Variants in AGMO observed in about 807,000 individuals in gnomAD.
AGMO encodes glyceryl-ether monooxygenase.
In AGMO, 75 loss-of-function variants were observed where a neutral mutation model predicts 60.2. The observed-to-expected ratio is 1.25, with a 90% confidence interval of 1.03 to 1.51. The LOEUF is 1.51. Among genes scored for constraint, AGMO ranks in the 40% most tolerant of loss-of-function variants. The pLI is 0.00. For missense variants in AGMO, 763 were observed against 525.5 expected (o/e 1.45, Z -4.42); for synonymous variants, 261 against 177.1 (o/e 1.47, Z -3.76).
intron 4 of AGMO, among the ~76,000 whole-genome samples, chr7:15,423,827 C>T (rs1283705486): frequency 6.6e-6 from 1 of 152,120 alleles, no homozygotes; most frequent in Non-Finnish European, 1.5e-5. Flanking sequence ...GAGTCTCCCT[C>T]ATAGCCCTCA....
downstream of AGMO, among the ~76,000 whole-genome samples, chr7:15,196,926 T>A (rs1781131749): frequency 1.3e-5 from 2 of 152,222 alleles, no homozygotes; most frequent in South Asian, 4.1e-4. Context: ...CATCAATGCT[T>A]AATTTGCTAA....
At chr7:15,202,033 G>T (rs193175841) in intron 12 of AGMO, among the ~76,000 whole-genome samples, 3 of 152,142 alleles carry the variant, frequency 2.0e-5, no homozygotes, top group African/African-American at 7.2e-5. Flanking sequence ...TCTTACCTAG[G>T]CACCGACAAT....
chr7:15,522,777 T>C (rs1007574132), intron 3 of AGMO, among the ~76,000 whole-genome samples: 9 of 152,214 alleles, frequency 5.9e-5, no homozygotes, highest in South Asian at 2.1e-4. Flanking sequence ...ATTCTGGACA[T>C]AGGCATGGGC....
At chr7:15,486,897 G>A (rs910092951) in intron 3 of AGMO, among the ~76,000 whole-genome samples, 1 of 152,116 alleles carries the variant, frequency 6.6e-6, no homozygotes, top group East Asian at 1.9e-4. Context: ...ATATGCAACT[G>A]AGACAAAACA....
the AGMO span, among the ~76,000 whole-genome samples, chr7:15,119,481 T>G: frequency 1.3e-5 from 2 of 151,714 alleles, no homozygotes; most frequent in African/African-American, 4.8e-5. Context: ...CTCTCTTACT[T>G]CCTTACCCAG....
chr7:15,181,410 C>A, the AGMO span, among the ~76,000 whole-genome samples: 1 of 152,166 alleles, frequency 6.6e-6, no homozygotes, highest in South Asian at 2.1e-4. Context: ...CTTCTACTCT[C>A]ATTCTTCACT....
intron 12 of AGMO, among the ~76,000 whole-genome samples, chr7:15,301,396 G>A (rs925992287): frequency 1.6e-4 from 24 of 151,876 alleles, no homozygotes; most frequent in African/African-American, 3.4e-4. Context: ...CCAAGATCAC[G>A]CCACTGCACT....
chr7:15,549,758 C>T (rs1355189917), intron 2 of AGMO, among the ~76,000 whole-genome samples: 3 of 151,286 alleles, frequency 2.0e-5, no homozygotes, highest in African/African-American at 4.9e-5. Flanking sequence ...GACAGATCAA[C>T]GAGACAGAAA....
chr7:15,545,115 T>A (rs1172911437), intron 2 of AGMO, among the ~76,000 whole-genome samples, 192 bp from the exon 3 acceptor site: 1 of 152,196 alleles, frequency 6.6e-6, no homozygotes. Flanking sequence ...CACAGGAAGC[T>A]TTATTTTATT....
chr7:15,222,505 T>C (rs571673990), intron 12 of AGMO, among the ~76,000 whole-genome samples: 5 of 152,204 alleles, frequency 3.3e-5, no homozygotes, highest in African/African-American at 1.2e-4. Context: ...TTTTCAATGT[T>C]AGTCATCTTG....
chr7:15,388,043 G>C (rs1783995857), intron 8 of AGMO, among the ~76,000 whole-genome samples: 1 of 151,954 alleles, frequency 6.6e-6, no homozygotes, highest in African/African-American at 2.4e-5. Context: ...GAGTAGCTGG[G>C]ATTACAGGTG....
the AGMO span, among the ~76,000 whole-genome samples, chr7:15,185,985 T>C: frequency 6.6e-6 from 1 of 152,226 alleles, no homozygotes; most frequent in Non-Finnish European, 1.5e-5. Flanking sequence ...AGCTATTTTG[T>C]GGGCAAGATG....
intron 12 of AGMO, among the ~76,000 whole-genome samples, chr7:15,299,909 T>A (rs1348403788): frequency 2.0e-5 from 3 of 150,304 alleles, no homozygotes; most frequent in East Asian, 2.0e-4. Flanking sequence ...GTTCAACATA[T>A]CCTTTCCTCT....
In AGMO at chr7:15,365,560, A is replaced by G; in HGVS notation, c.1217T>C (p.Phe406Ser). The G allele has an allele frequency of 6.2e-7, 1 of 1,612,910 alleles. No individual in the cohort carries two copies. The highest frequency in any genetic ancestry group is 8.5e-7 in the Non-Finnish European group (1 of 1,179,148). Residue 406 changes from phenylalanine to serine, a missense_variant, in exon 12 of 13, where the codon TTT becomes TCT. Physicochemically the swap from Phe to Ser is radical, Grantham distance 155. Coordinates refer to ENST00000342526, the MANE Select transcript of AGMO (RefSeq NM_001004320.2). ...AGGGACAAGAGGCTTCAGGTGACCA[A>G]ATCGGTACAGCATTAAGAACATCAA... ...RCLMFLMLYR[F>S]GHLKPLVPSL... is the part of the protein sequence containing the mutation.
intron 12 of AGMO, among the ~76,000 whole-genome samples, chr7:15,303,156 T>C (rs957128534): frequency 4.6e-5 from 7 of 152,104 alleles, no homozygotes; most frequent in Admixed American, 2.0e-4. Context: ...ACAGATGATA[T>C]TAAGATGGCG....
chr7:15,213,423 A>G lies in AGMO; in HGVS notation c.1264-12064T>C, dbSNP rs376493651. ...AGTTCTATTATGTGAAAAAAATAATAAAAATGACCAACACAATATTAAAAA... is the reference window on the plus strand; with the variant it reads ...AGTTCTATTATGTGAAAAAAATAATGAAAATGACCAACACAATATTAAAAA... On this transcript the variant is annotated intron_variant, in intron 12 of 12. Transcript: ENST00000342526. 4.6e-5 allele frequency among the ~76,000 whole-genome samples: 7 copies of G among 152,056 alleles called. No homozygotes were observed. In the East Asian group the frequency reaches 7.7e-4, roughly 17 times the overall value.
At chr7:15,184,009 A>G in the AGMO span, among the ~76,000 whole-genome samples, 1 of 152,168 alleles carries the variant, frequency 6.6e-6, no homozygotes, top group African/African-American at 2.4e-5. Flanking sequence ...TGTTTTAATA[A>G]ATTGTTAAAA....
At chr7:15,208,195 T>A (rs1260454655) in intron 12 of AGMO, among the ~76,000 whole-genome samples, 1 of 152,170 alleles carries the variant, frequency 6.6e-6, no homozygotes. Flanking sequence ...AGTGACTTTT[T>A]GGACTTTTTC....
At chr7:15,158,118 C>A in the AGMO span, among the ~76,000 whole-genome samples, 24,205 of 151,994 alleles carry the variant, frequency 0.16, 2,193 homozygotes, top group Non-Finnish European at 0.21. Context: ...TATATTTGTT[C>A]TTCAGATTTC....
Sources: allele counts gnomAD v4.1 joint callset (sites outside exome capture counted in the v4.1 genomes callset), GRCh38; gene constraint gnomAD v4.1.1; transcripts MANE v1.5; gene names NCBI Gene and HGNC (gene_info 2026-07-23, HGNC 2026-07-21).